The following CRYL1 variants were observed in gnomAD, a reference collection of about 807,000 sequenced individuals.
The protein encoded by CRYL1 is lambda-crystallin homolog.
In CRYL1, 29 loss-of-function variants were observed where a neutral mutation model predicts 36.6. That is an observed-to-expected ratio of 0.79 (90% CI 0.59 to 1.08). The LOEUF (loss-of-function observed/expected upper bound fraction) is 1.08, where lower values mean the gene tolerates loss of function less well. Ranked by LOEUF, CRYL1 falls within the 50% of genes least tolerant of loss-of-function variation. The pLI is 0.00. For synonymous variants in CRYL1, 152 were observed against 151.5 expected, an observed-to-expected ratio of 1.00 and a Z score of -0.02; for missense variants, 411 against 407.9, an observed-to-expected ratio of 1.01 and a Z score of -0.06.
chr13:20,468,758 G>A (rs908340470), intron 3 of CRYL1, among the ~76,000 whole-genome samples: 7 of 152,106 alleles, frequency 4.6e-5, no homozygotes, highest in Non-Finnish European at 1.0e-4. Flanking sequence ...GGCATATACC[G>A]CCATGCCTGG....
chr13:20,456,038 A>G (rs1431830298), intron 3 of CRYL1, among the ~76,000 whole-genome samples: 2 of 152,244 alleles, frequency 1.3e-5, no homozygotes, highest in African/African-American at 2.4e-5. Flanking sequence ...TTTCACATGC[A>G]AAGAAATGTA....
chr13:20,500,298 G>T (rs2033680996), intron 2 of CRYL1, among the ~76,000 whole-genome samples: 1 of 152,108 alleles, frequency 6.6e-6, no homozygotes, highest in South Asian at 2.1e-4. Flanking sequence ...AACAGAATTT[G>T]AGGCATATTT....
chr13:20,447,629 G>A (rs1029502814), intron 3 of CRYL1, among the ~76,000 whole-genome samples: 3 of 151,970 alleles, frequency 2.0e-5, no homozygotes, highest in African/African-American at 7.3e-5. Context: ...AAGTGCAAAG[G>A]GAAAACTGAA....
chr13:20,471,606 A>G (rs1360868656), intron 3 of CRYL1, among the ~76,000 whole-genome samples: 1 of 149,522 alleles, frequency 6.7e-6, no homozygotes, highest in East Asian at 1.9e-4. Flanking sequence ...CTCTGTCTCA[A>G]AAAAAAAAAG....
intron 2 of CRYL1, among the ~76,000 whole-genome samples, chr13:20,493,176 A>C (rs1216783549): frequency 1.3e-5 from 2 of 152,202 alleles, no homozygotes; most frequent in Non-Finnish European, 2.9e-5. Flanking sequence ...ACCCCTTGGA[A>C]CTGGTGCTCC....
At chr13:20,487,151 A>G (rs1247250240) in intron 3 of CRYL1, among the ~76,000 whole-genome samples, 1 of 152,204 alleles carries the variant, frequency 6.6e-6, no homozygotes, top group African/African-American at 2.4e-5. Flanking sequence ...GGGGAGACAA[A>G]GAAATTTAAC....
intron 3 of CRYL1, among the ~76,000 whole-genome samples, chr13:20,483,857 G>A (rs941676016): frequency 2.7e-5 from 4 of 149,782 alleles, no homozygotes; most frequent in East Asian, 2.0e-4. Context: ...TCGCTCTGTC[G>A]CCAGGCTGGA....
chr13:20,446,050 G>T (rs1361519709), intron 3 of CRYL1, among the ~76,000 whole-genome samples: 2 of 152,120 alleles, frequency 1.3e-5, no homozygotes, highest in East Asian at 3.9e-4. Context: ...ATTAGAATGG[G>T]CACTACTTTA....
At chr13:20,457,781 C>T (rs1428686772) in intron 3 of CRYL1, among the ~76,000 whole-genome samples, 2 of 152,216 alleles carry the variant, frequency 1.3e-5, no homozygotes, top group African/African-American at 4.8e-5. Context: ...CTGCACCAGG[C>T]CCTGCTCCAA....
At chr13:20,445,668 A>C (rs1338325717) in intron 3 of CRYL1, among the ~76,000 whole-genome samples, 3 of 152,232 alleles carry the variant, frequency 2.0e-5, no homozygotes, top group Non-Finnish European at 4.4e-5. Flanking sequence ...ATAGACCCTT[A>C]GGGCATTCAC....
intron 5 of CRYL1, among the ~76,000 whole-genome samples, chr13:20,424,588 G>A (rs578176393): frequency 4.9e-4 from 74 of 152,220 alleles, no homozygotes; most frequent in Non-Finnish European, 9.0e-4. Context: ...TGGGGTGCCC[G>A]AGGGATCAGC....
chr13:20,499,464 C>T lies in CRYL1; in HGVS notation c.150-9968G>A, dbSNP rs151112344. On this transcript the variant is annotated intron_variant, in intron 2 of 7. Transcript: ENST00000298248. Reference sequence around the variant, plus strand: ...GAGATCGAGACTATCCTGGCTAACACGGTGAAACCCCATCTCTACTAAAAA... The same window carrying T: ...GAGATCGAGACTATCCTGGCTAACATGGTGAAACCCCATCTCTACTAAAAA... 8.9e-3 allele frequency among the ~76,000 whole-genome samples: 1,326 copies of T among 148,536 alleles called. 14 individuals are homozygous for T. Among genetic ancestry groups the T allele is most frequent in the African/African-American group, 0.031 (1,250 of 40,604 alleles).
chr13:20,458,080 A>T (rs182126073), intron 3 of CRYL1, among the ~76,000 whole-genome samples: 2 of 152,326 alleles, frequency 1.3e-5, no homozygotes, highest in East Asian at 3.9e-4. Flanking sequence ...CCACATCACC[A>T]AATAGGTCAA....
chr13:20,442,018 G>T (rs758440258), intron 3 of CRYL1, among the ~76,000 whole-genome samples: 1 of 152,208 alleles, frequency 6.6e-6, no homozygotes, highest in Admixed American at 6.5e-5. Context: ...ACAGTAGCTG[G>T]CTCATTGTAT....
At chr13:20,407,226 C>G (rs1488318936) in intron 6 of CRYL1, among the ~76,000 whole-genome samples, 1 of 151,740 alleles carries the variant, frequency 6.6e-6, no homozygotes, top group East Asian at 2.0e-4. Context: ...GTAACATGCT[C>G]TTGGGATGAA....
At position 20,435,971 on chromosome 13, in the gene CRYL1, G is replaced by A. The variant is rs1212830994; in HGVS notation, c.438+3622C>T. 2.6e-5 allele frequency among the ~76,000 whole-genome samples: 4 copies of A among 152,200 alleles called. No individual in the cohort carries two copies. The highest frequency in any genetic ancestry group is 9.6e-5 in the African/African-American group (4 of 41,458). On this transcript the variant is annotated intron_variant, in intron 4 of 7. Transcript: ENST00000298248. This position sits in a 1 kb window ranked among gnomAD's most constrained non-coding sequence, Gnocchi z 4.0. ...CGCAGGGAGGGCTCAAAGGCAGCTC[G>A]GAGCGGCCGCAGGGCCGTGCAGATG...
At chr13:20,488,794 G>A (rs2033449841) in intron 3 of CRYL1, among the ~76,000 whole-genome samples, 2 of 152,256 alleles carry the variant, frequency 1.3e-5, no homozygotes, top group Non-Finnish European at 2.9e-5. Flanking sequence ...AGGAGCTCCA[G>A]GAGCGGGATG....
chr13:20,414,249 GA>G lies in CRYL1; in HGVS notation c.634-863del, dbSNP rs376243415. Among the ~76,000 whole-genome samples the G allele has an allele frequency of 3.6e-3, 532 of 147,686 alleles. 1 individual carries two copies. Among genetic ancestry groups the G allele is most frequent in the African/African-American group, 0.012 (471 of 37,914 alleles). ...CACACATATGTATACACTAAAAAGAGATTTTTTGTGTGTGTGTGTGTGTGTG... is the reference window on the plus strand; with the variant it reads ...CACACATATGTATACACTAAAAAGAGTTTTTTGTGTGTGTGTGTGTGTGTG... On this transcript the variant is annotated intron_variant, in intron 5 of 7. Coordinates refer to ENST00000298248, the MANE Select transcript of CRYL1 (RefSeq NM_015974.3).
At chr13:20,446,549 C>T (rs191436017) in intron 3 of CRYL1, among the ~76,000 whole-genome samples, 70 of 152,324 alleles carry the variant, frequency 4.6e-4, no homozygotes, top group African/African-American at 1.7e-3. Flanking sequence ...GGGATTGAGC[C>T]TTCCCCATTG....
Sources: allele counts gnomAD v4.1 joint callset (sites outside exome capture counted in the v4.1 genomes callset), GRCh38; gene constraint gnomAD v4.1.1; non-coding constraint Gnocchi (gnomAD v3.1); transcripts MANE v1.5; gene names NCBI Gene and HGNC (gene_info 2026-07-23, HGNC 2026-07-21).